Variants in CALCR observed in about 807,000 individuals in gnomAD.
CALCR encodes the protein calcitonin receptor.
CALCR carries 47 observed loss-of-function variants against 59.5 expected under a neutral mutation model. That is an observed-to-expected ratio of 0.79 (90% CI 0.63 to 1.01). The LOEUF (loss-of-function observed/expected upper bound fraction) is 1.01, where lower values mean the gene tolerates loss of function less well. Ranked by LOEUF, CALCR falls within the 50% of genes least tolerant of loss-of-function variation. CALCR has a pLI of 0.00. For missense variants in CALCR, 566 were observed against 597.1 expected, an observed-to-expected ratio of 0.95 and a Z score of 0.54; for synonymous variants, 213 against 211.3, an observed-to-expected ratio of 1.01 and a Z score of -0.07.
intron 2 of CALCR, among the ~76,000 whole-genome samples, chr7:93,572,002 C>T (rs1243991815): frequency 6.6e-6 from 1 of 152,036 alleles, no homozygotes; most frequent in Non-Finnish European, 1.5e-5. Context: ...TATGTTTCAT[C>T]AAGTATTATT....
chr7:93,523,638 T>C (rs1801810671), intron 2 of CALCR, among the ~76,000 whole-genome samples: 1 of 152,180 alleles, frequency 6.6e-6, no homozygotes, highest in Admixed American at 6.5e-5. Context: ...TTCAAATAAG[T>C]TCTTATTATC....
In CALCR at chr7:93,464,589, A is replaced by G. The variant is rs566854941; in HGVS notation, c.522-3642T>C. On this transcript the variant is annotated intron_variant, in intron 7 of 13. Transcript: ENST00000426151. ...ATATATTATATATCTTCCCTATTTG[A>G]CAAGAGACTTTATGCCTTTTGATTT... 3.3e-5 allele frequency among the ~76,000 whole-genome samples: 5 copies of G among 152,136 alleles called. No individual in the cohort carries two copies. In the South Asian group the frequency reaches 1.0e-3, roughly 32 times the overall value.
chr7:93,461,722 A>T (rs1250224098), intron 7 of CALCR, among the ~76,000 whole-genome samples: 14 of 152,176 alleles, frequency 9.2e-5, no homozygotes, highest in Admixed American at 9.2e-4. Flanking sequence ...TCTCCAGTTC[A>T]TAAAGTTGTA....
At chr7:93,443,495 G>A (rs1459964122) in intron 9 of CALCR, 109 bp downstream of exon 9, 2 of 1,029,486 alleles carry the variant, frequency 1.9e-6, no homozygotes, top group Non-Finnish European at 2.9e-6. Flanking sequence ...ATCATTCCTT[G>A]AAGGACCTGG....
At chr7:93,460,024 A>G (rs1800283251) in intron 8 of CALCR, among the ~76,000 whole-genome samples, 1 of 152,182 alleles carries the variant, frequency 6.6e-6, no homozygotes, top group Non-Finnish European at 1.5e-5. Context: ...AAACATGATC[A>G]TATTTATATG....
intron 2 of CALCR, among the ~76,000 whole-genome samples, chr7:93,538,022 T>A (rs1584615545): frequency 6.6e-6 from 1 of 151,960 alleles, no homozygotes; most frequent in South Asian, 2.1e-4. Context: ...ATGTGCCTTT[T>A]AAAAGAAATC....
chr7:93,473,495 T>C (rs1321337141), intron 5 of CALCR, among the ~76,000 whole-genome samples: 1 of 151,346 alleles, frequency 6.6e-6, no homozygotes, highest in Admixed American at 6.6e-5. Context: ...ATTGTTAAGA[T>C]GCAGATGTAG....
At position 93,438,286 on chromosome 7, in the gene CALCR, G is replaced by A. The variant is rs554423053; in HGVS notation, c.803-16C>T. 6.7e-5 allele frequency: 107 copies of A among 1,600,752 alleles called. 1 individual carries two copies. In the South Asian group the frequency reaches 1.0e-3, roughly 15 times the overall value. On this transcript the variant is annotated splice_polypyrimidine_tract_variant and intron_variant, in intron 9 of 13. Transcript: ENST00000426151. ...AGCGGGAACCCTACAAATGTGAAAA[G>A]TACAAATCACACTTGGTTTCTTGGT...
At chr7:93,572,821 G>A (rs1358618503) in intron 2 of CALCR, among the ~76,000 whole-genome samples, 1 of 152,132 alleles carries the variant, frequency 6.6e-6, no homozygotes, top group Admixed American at 6.5e-5. Flanking sequence ...GATTATCTAT[G>A]TGTTCTTATA....
At chr7:93,574,193 T>C (rs1790065673) in intron 2 of CALCR, 96 bp downstream of exon 2, 1 of 152,200 alleles carries the variant, frequency 6.6e-6, no homozygotes. Flanking sequence ...CACATTTCTA[T>C]AATCAAAAAG....
chr7:93,538,616 G>T (rs960719160), intron 2 of CALCR, among the ~76,000 whole-genome samples: 1 of 151,840 alleles, frequency 6.6e-6, no homozygotes, highest in Non-Finnish European at 1.5e-5. Flanking sequence ...TACTTAACCT[G>T]TTTTTTGTTT....
intron 5 of CALCR, among the ~76,000 whole-genome samples, chr7:93,475,779 T>C (rs1800654500): frequency 1.3e-5 from 2 of 151,956 alleles, no homozygotes; most frequent in South Asian, 4.1e-4. Flanking sequence ...TGATGAGTCT[T>C]TCAATACTTG....
At chr7:93,535,539 G>T (rs1584613617) in intron 2 of CALCR, among the ~76,000 whole-genome samples, 1 of 151,708 alleles carries the variant, frequency 6.6e-6, no homozygotes, top group Non-Finnish European at 1.5e-5. Context: ...GATAATGATT[G>T]TTATGACACT....
intron 2 of CALCR, among the ~76,000 whole-genome samples, chr7:93,505,805 C>G (rs1801412753): frequency 6.6e-6 from 1 of 152,146 alleles, no homozygotes; most frequent in African/African-American, 2.4e-5. Flanking sequence ...AAAAGGCCAC[C>G]TGGGACTAGG....
Position 93,443,127 on chromosome 7 carries a change from T to G in CALCR, c.802+477A>C, listed in dbSNP as rs568600308. On this transcript the variant is annotated intron_variant, in intron 9 of 13. Coordinates refer to ENST00000426151, the MANE Select transcript of CALCR (RefSeq NM_001742.4). ...CGTGTGGTTATATCTGCCTCTCAGC[T>G]GGACTCCACTTCCTGAGCTTTCACT... Among the ~76,000 whole-genome samples, 370 of 152,268 alleles carry G rather than the reference T, an allele frequency of 2.4e-3. 2 individuals are homozygous for G. The highest frequency in any genetic ancestry group is 7.6e-3 in the African/African-American group (317 of 41,574).
chr7:93,484,288 G>C (rs1215622252), intron 3 of CALCR, among the ~76,000 whole-genome samples: 1 of 151,710 alleles, frequency 6.6e-6, no homozygotes, highest in Non-Finnish European at 1.5e-5. Flanking sequence ...TTGGGTTACA[G>C]GCAGTTTCTA....
At chr7:93,571,685 A>C (rs1186271585) in intron 2 of CALCR, among the ~76,000 whole-genome samples, 2 of 152,190 alleles carry the variant, frequency 1.3e-5, no homozygotes, top group African/African-American at 4.8e-5. Flanking sequence ...CCATCATTGA[A>C]CTTAAAAAGA....
At position 93,444,394 on chromosome 7, in the gene CALCR, G is replaced by A. The variant is rs141209521; in HGVS notation, c.649-637C>T. 4.7e-3 allele frequency among the ~76,000 whole-genome samples: 721 copies of A among 152,184 alleles called. 11 individuals are homozygous for A. The highest frequency in any genetic ancestry group is 0.017 in the African/African-American group (687 of 41,516). ...AGGAGCCACACCCTTGGAAGAGTCA[G>A]ATTAATATTGTTGTCTGTATAGAAA... On this transcript the variant is annotated intron_variant, in intron 8 of 13. Coordinates refer to ENST00000426151, the MANE Select transcript of CALCR (RefSeq NM_001742.4).
At chr7:93,501,638 C>G (rs1211526595) in intron 2 of CALCR, among the ~76,000 whole-genome samples, 1 of 152,030 alleles carries the variant, frequency 6.6e-6, no homozygotes, top group Non-Finnish European at 1.5e-5. Context: ...TGATAGCTGA[C>G]TCATATTTCT....
Sources: allele counts gnomAD v4.1 joint callset (sites outside exome capture counted in the v4.1 genomes callset), GRCh38; gene constraint gnomAD v4.1.1; transcripts MANE v1.5; gene names NCBI Gene and HGNC (gene_info 2026-07-23, HGNC 2026-07-21).